CAPS2: variants seen among roughly 807,000 people sequenced by gnomAD.
The protein encoded by CAPS2 is calcyphosin-2.
In CAPS2, 98 loss-of-function variants were observed where a neutral mutation model predicts 86.5. That is an observed-to-expected ratio of 1.13 (90% CI 0.96 to 1.34). The LOEUF (loss-of-function observed/expected upper bound fraction) is 1.34. CAPS2 is among the 40% of genes most tolerant of loss of function. The probability of loss-of-function intolerance (pLI) is 0.00; values close to 1 mark genes in which losing one functional copy is unlikely to be tolerated. For missense variants in CAPS2, 729 were observed against 686.8 expected (o/e 1.06, Z -0.69); for synonymous variants, 210 against 225.1 (o/e 0.93, Z 0.60).
chr12:75,296,624 C>T (rs1454785761), intron 11 of CAPS2, among the ~76,000 whole-genome samples: 9 of 152,110 alleles, frequency 5.9e-5, no homozygotes, highest in African/African-American at 9.7e-5. Flanking sequence ...CATCTATGGG[C>T]ACATGTGCAC....
At chr12:75,378,393 G>A (rs763869704) in intron 1 of CAPS2, among the ~76,000 whole-genome samples, 3 of 152,150 alleles carry the variant, frequency 2.0e-5, no homozygotes, top group Non-Finnish European at 4.4e-5. Flanking sequence ...AACCAATAGC[G>A]GAGAGAAAGG....
At chr12:75,334,777 T>C (rs773394891), upstream of CAPS2, 25 of 1,614,138 alleles carry the variant, frequency 1.5e-5, no homozygotes, top group East Asian at 4.0e-4. Flanking sequence ...GGGTCTGTGT[T>C]TGGTAGCCAC....
intron 1 of CAPS2, among the ~76,000 whole-genome samples, chr12:75,353,835 A>T (rs1477284263): frequency 6.6e-6 from 1 of 152,252 alleles, no homozygotes; most frequent in Non-Finnish European, 1.5e-5. Flanking sequence ...GTCTGGTTCA[A>T]CATACGCAAA....
intron 4 of CAPS2, 96 bp from the exon 5 acceptor site, chr12:75,321,672 T>C (rs1415110553): frequency 1.2e-6 from 1 of 844,344 alleles, no homozygotes; most frequent in African/African-American, 1.7e-5. Context: ...TAGCATCCAT[T>C]CCTTAAAAAT....
Position 75,301,051 on chromosome 12 carries a change from C to A in CAPS2, c.780-1140G>T, listed in dbSNP as rs539076545. On this transcript the variant is annotated intron_variant, in intron 8 of 16. Coordinates refer to ENST00000393284, the Ensembl canonical transcript of CAPS2. ...TGGCCTTCAGACAGTACTGAATGATCTCATAAAGGCTGCCAGCCCTAAAAT... is the reference window on the plus strand; with the variant it reads ...TGGCCTTCAGACAGTACTGAATGATATCATAAAGGCTGCCAGCCCTAAAAT... Among the ~76,000 whole-genome samples, 10 of 152,242 alleles carry A rather than the reference C, an allele frequency of 6.6e-5. No individual in the cohort carries two copies. In the South Asian group the frequency reaches 2.1e-3, roughly 32 times the overall value.
chr12:75,337,924 C>CA (rs2139257740), intron 1 of CAPS2, among the ~76,000 whole-genome samples: 1 of 152,066 alleles, frequency 6.6e-6, no homozygotes, highest in Non-Finnish European at 1.5e-5. Context: ...GATATTTAAC[C>CA]AATGTATGAA....
rs534351238 is a variant in CAPS2 at position 75,285,282 on chromosome 12, T to C, written c.1396-202A>G. On this transcript the variant is annotated intron_variant, in intron 14 of 16. Transcript: ENST00000393284. ...TCTGTGGTGAATGGTTCTGTAAAGT[T>C]AGGAGCCATTTAGGAATGGCAATAG... Among the ~76,000 whole-genome samples, 23 of 152,166 alleles carry C rather than the reference T, an allele frequency of 1.5e-4. No homozygotes were observed. The South Asian group carries it at 4.6e-3, about 30-fold the overall frequency.
exon 10 of CAPS2, chr12:75,298,955 T>C: frequency 6.3e-7 from 1 of 1,591,410 alleles, no homozygotes; most frequent in Non-Finnish European, 8.6e-7. Flanking sequence ...TCTGCAAGCA[T>C]CACGTCCATT....
intron 1 of CAPS2, chr12:75,373,515 T>C (rs546758428): frequency 6.6e-6 from 1 of 152,296 alleles, no homozygotes; most frequent in Non-Finnish European, 1.5e-5. Context: ...TATATTATCA[T>C]ACATCTGGCC....
At chr12:75,369,792 A>ACC in intron 1 of CAPS2, 1 of 983,058 alleles carries the variant, frequency 1.0e-6, no homozygotes. Flanking sequence ...GAAGCATCGT[A>ACC]AAGAGTTTTA....
exon 17 of CAPS2, chr12:75,278,177 G>A (rs781457565): frequency 2.9e-5 from 28 of 971,562 alleles, no homozygotes; most frequent in Non-Finnish European, 3.4e-5. Flanking sequence ...TTAAAAAGCA[G>A]AATAAAAGAA....
At chr12:75,330,465 A>C (rs1260493838), upstream of CAPS2, among the ~76,000 whole-genome samples, 3 of 152,238 alleles carry the variant, frequency 2.0e-5, no homozygotes, top group Non-Finnish European at 4.4e-5. Context: ...ATTCTGTTTA[A>C]CATATTTCAT....
chr12:75,363,305 G>A (rs922357078), intron 1 of CAPS2: 9 of 428,836 alleles, frequency 2.1e-5, no homozygotes, highest in Non-Finnish European at 3.7e-5. Flanking sequence ...TTTGACTGTT[G>A]TTATCTTACG....
chr12:75,353,759 C>A (rs772798302), intron 1 of CAPS2, among the ~76,000 whole-genome samples: 4 of 152,090 alleles, frequency 2.6e-5, no homozygotes, highest in Non-Finnish European at 5.9e-5. Context: ...ACTGGCAAAC[C>A]AAATCCAGCA....
At position 75,304,880 on chromosome 12, in the gene CAPS2, T is replaced by C. The variant is rs370077776; in HGVS notation, c.660-4A>G. 6 of 1,603,442 alleles carry C rather than the reference T, an allele frequency of 3.7e-6. No homozygotes were observed. In the South Asian group the frequency reaches 6.8e-5, roughly 18 times the overall value. On this transcript the variant is annotated splice_region_variant and splice_polypyrimidine_tract_variant and intron_variant, in intron 7 of 16. Coordinates refer to ENST00000393284, the Ensembl canonical transcript of CAPS2. ...CTCTGGATCACTGATGACAGCCCTA[T>C]ACAGGAAAATAAAAAGTCCAACAAT...
At chr12:75,328,985 T>G (rs369877930), upstream of CAPS2, among the ~76,000 whole-genome samples, 50 of 152,334 alleles carry the variant, frequency 3.3e-4, 1 homozygote, top group South Asian at 9.7e-3. Flanking sequence ...AATTTTAAGA[T>G]TTTGACAGGG....
chr12:75,364,727 CCTTTTAAG>C (rs2043850239), intron 1 of CAPS2: 1 of 152,176 alleles, frequency 6.6e-6, no homozygotes, highest in Non-Finnish European at 1.5e-5. Flanking sequence ...ATTATTAAAA[CCTTTTAAG>C]CTAAGGAATT....
chr12:75,387,689 C>T (rs1472734111), intron 1 of CAPS2, among the ~76,000 whole-genome samples: 1 of 152,068 alleles, frequency 6.6e-6, no homozygotes, highest in Non-Finnish European at 1.5e-5. Flanking sequence ...CTGCAGAATC[C>T]CAAGGCAGCA....
At chr12:75,303,824 G>A (rs2038114035) in intron 8 of CAPS2, among the ~76,000 whole-genome samples, 1 of 152,124 alleles carries the variant, frequency 6.6e-6, no homozygotes, top group African/African-American at 2.4e-5. Flanking sequence ...CTTATTGGAG[G>A]AACATAGAGA....
Sources: allele counts gnomAD v4.1 joint callset (sites outside exome capture counted in the v4.1 genomes callset), GRCh38; gene constraint gnomAD v4.1.1; transcripts MANE v1.5; gene names NCBI Gene and HGNC (gene_info 2026-07-23, HGNC 2026-07-21).